BAG1: variants seen among roughly 807,000 people sequenced by gnomAD.
BAG1 encodes the protein BAG family molecular chaperone regulator 1.
In BAG1, 35 loss-of-function variants were observed where a neutral mutation model predicts 35.5. The observed-to-expected ratio is 0.99, with a 90% CI of 0.75 to 1.31. The LOEUF (loss-of-function observed/expected upper bound fraction) is 1.31. Among genes scored for constraint, BAG1 ranks in the 50% most tolerant of loss-of-function variants. The pLI, the probability that BAG1 is intolerant of heterozygous loss-of-function variation, is 0.00. For missense variants in BAG1, 464 were observed against 453.6 expected, an observed-to-expected ratio of 1.02 and a Z score of -0.21; for synonymous variants, 191 against 178.9, an observed-to-expected ratio of 1.07 and a Z score of -0.54.
chr9:33,262,862 GATT>G (rs1820606940), intron 1 of BAG1, 32 bp from the exon 2 acceptor site: 1 of 1,609,570 alleles, frequency 6.2e-7, no homozygotes, highest in African/African-American at 1.3e-5. Flanking sequence ...TGACGAATAT[GATT>G]CTTTCACATA....
In BAG1 at chr9:33,254,282, G is replaced by A. The variant is rs1280973487; in HGVS notation, c.*937C>T. On this transcript the variant is annotated 3_prime_UTR_variant, in exon 7 of 7. Coordinates refer to ENST00000634734, the MANE Select transcript of BAG1 (RefSeq NM_004323.6). ...ATTATAGGCATGAGCTGCTGCGCCA[G>A]GCCTTAATTTTTTAAAAACAATGAT... 1 of 141,618 alleles carries A rather than the reference G, an allele frequency of 7.1e-6. No individual in the cohort carries two copies. The highest frequency in any genetic ancestry group is 1.5e-5 in the Non-Finnish European group (1 of 66,342). 8.8% of individuals were successfully genotyped at this position (141,618 alleles called of 1,614,324 possible).
chr9:33,256,965 T>C, intron 4 of BAG1, 57 bp from the exon 5 acceptor site: 1 of 1,312,370 alleles, frequency 7.6e-7, no homozygotes. Flanking sequence ...GAAGACTCCA[T>C]GCCACAATAC....
In BAG1 at chr9:33,264,495, G is replaced by A. The variant is rs749323018; in HGVS notation, c.180C>T (p.Thr60=). ...TGCGAGCGCCGGCGGCGGCGCCCCT[G>A]GTGGGTCGGTCATGCCCGCTGGCAG... The change falls in exon 1 of 7, where the codon ACC becomes ACT. Residue 60 remains threonine, a synonymous_variant. Coordinates refer to ENST00000634734, the MANE Select transcript of BAG1 (RefSeq NM_004323.6). The A allele has an allele frequency of 1.9e-6, 3 of 1,608,982 alleles. No individual in the cohort carries two copies. The highest frequency in any genetic ancestry group is 2.2e-5 in the East Asian group (1 of 44,816).
In BAG1 at chr9:33,264,311, C is replaced by A. The variant is rs780849402; in HGVS notation, c.364G>T (p.Val122Leu). ...CGGGTCGACTCCTCGTCCCGGGTCA[C>A]CTCCTGGCTCCGATTCATCTCTTCG... Residue 122 changes from valine (V) to leucine (L), a missense_variant, in exon 1 of 7, where the codon GTG (valine) becomes TTG (leucine). Val to Leu is a conservative substitution (Grantham distance 32, BLOSUM62 1). Transcript: ENST00000634734. 2 of 1,613,044 alleles carry A rather than the reference C, an allele frequency of 1.2e-6. No homozygotes were observed. Among genetic ancestry groups the A allele is most frequent in the Non-Finnish European group, 1.7e-6 (2 of 1,179,640 alleles).
chr9:33,262,194 T>TG (rs769682658), intron 2 of BAG1: 31 of 1,289,622 alleles, frequency 2.4e-5, no homozygotes, highest in Non-Finnish European at 3.0e-5. Flanking sequence ...CCTGTCCAGG[T>TG]GTTTGAGAGT....
chr9:33,261,033 T>A lies in BAG1; in HGVS notation c.663+54A>T, dbSNP rs1345850978. The A allele has an allele frequency of 2.8e-5, 41 of 1,480,922 alleles. No homozygotes were observed. In the East Asian group the frequency reaches 8.7e-4, roughly 31 times the overall value. 91.7% of individuals were successfully genotyped at this position (1,480,922 alleles called of 1,614,324 possible). ...TTGGTCTTCTAAACAGAAACATGTA[T>A]AAAAGACTTCAGTCATTTGATTCTG... On this transcript the variant is annotated intron_variant, in intron 3 of 6. Coordinates refer to ENST00000634734, the MANE Select transcript of BAG1 (RefSeq NM_004323.6).
intron 2 of BAG1, 67 bp from the exon 3 acceptor site, chr9:33,261,236 G>C: frequency 8.0e-7 from 1 of 1,245,538 alleles, no homozygotes; most frequent in Non-Finnish European, 1.2e-6. Flanking sequence ...ATTTCAGCAG[G>C]ATACAGGAAA....
rs540292399 is a variant in BAG1, at chr9:33,264,426, G to A, written c.249C>T (p.Ser83=). Residue 83 remains serine, a synonymous_variant, in exon 1 of 7, where the codon AGC becomes AGT. Transcript: ENST00000634734. ...ACTCCTCGCTCCGGGTCAACTCCTC[G>A]CTCCGGGTCGAGCGGCGCCGGGTTT... is the stretch of plus-strand genomic sequence containing the variant. The A allele has an allele frequency of 1.1e-5, 17 of 1,611,034 alleles. No individual in the cohort carries two copies. In the African/African-American group the frequency reaches 1.5e-4, roughly 14 times the overall value.
chr9:33,260,965 G>T (rs924679583), intron 3 of BAG1, 122 bp downstream of exon 3: 1 of 687,576 alleles, frequency 1.5e-6, no homozygotes, highest in Non-Finnish European at 2.4e-6. Flanking sequence ...GATTGTATTT[G>T]TTTAGAGAGG....
At chr9:33,259,905 A>T (rs1820533805) in intron 3 of BAG1, 1 of 152,286 alleles carries the variant, frequency 6.6e-6, no homozygotes, top group Non-Finnish European at 1.5e-5. Flanking sequence ...TCAGGGAAGT[A>T]CTGCTGTTTT....
chr9:33,261,943 T>C, intron 2 of BAG1: 1 of 985,408 alleles, frequency 1.0e-6, no homozygotes, highest in Non-Finnish European at 1.2e-6. Flanking sequence ...TGGGAGGCAC[T>C]GGAAACACAG....
chr9:33,256,704 T>C, intron 5 of BAG1, 97 bp downstream of exon 5: 1 of 998,564 alleles, frequency 1.0e-6, no homozygotes, highest in South Asian at 1.4e-5. Context: ...AAGTGATGGG[T>C]TTGCTCAGGC....
chr9:33,264,534 T>G lies in BAG1; in HGVS notation c.141A>C (p.Pro47=). Residue 47 remains proline, a synonymous_variant, in exon 1 of 7, where the codon CCA becomes CCC. Transcript: ENST00000634734. ...GCCCGCTGGCAGTACTCCGGGCAGG[T>G]GGACGCCCAGAGGGAGGCGGACCAC... is the stretch of plus-strand genomic sequence containing the variant. The G allele has an allele frequency of 6.4e-7, 1 of 1,565,454 alleles. No homozygotes were observed.
rs1214740591 is a variant in BAG1, at chr9:33,264,231, GAC to G, written c.442_443del (p.Val148HisfsTer5). ...CTGGCGCCCGACACTCACTGTGGGT[GAC>G]AGTCACGGTGAGCCCAGCTGCCGCC... On this transcript the variant is annotated frameshift_variant, in exon 1 of 7. Transcript: ENST00000634734. LOFTEE classifies it high-confidence loss of function. 1.2e-6 allele frequency: 2 copies of G among 1,606,312 alleles called. No individual in the cohort carries two copies. The highest frequency in any genetic ancestry group is 2.7e-5 in the African/African-American group (2 of 74,710).
In BAG1 at chr9:33,252,705, C is replaced by T. The variant is rs1820362391; in HGVS notation, c.*2514G>A. 3 of 152,054 alleles carry T rather than the reference C, an allele frequency of 2.0e-5. No individual in the cohort carries two copies. In the South Asian group the frequency reaches 6.2e-4, roughly 32 times the overall value. 9.4% of individuals were successfully genotyped at this position (152,054 alleles called of 1,614,324 possible). A position where few individuals can be genotyped will look rare whatever the true frequency, so the allele number is the denominator to read the frequency against. ...CCAAATAATCCCACAAGTAAACTAT[C>T]ATGGACTATGTAAATGCTGTGAAAG... On this transcript the variant is annotated 3_prime_UTR_variant, in exon 7 of 7. Coordinates refer to ENST00000634734, the MANE Select transcript of BAG1 (RefSeq NM_004323.6).
intron 2 of BAG1, among the ~76,000 whole-genome samples, chr9:33,261,754 A>G (rs1357473416): frequency 6.6e-6 from 1 of 152,156 alleles, no homozygotes; most frequent in East Asian, 1.9e-4. Context: ...CTGACACCCA[A>G]TGGGGTAAGT....
intron 2 of BAG1, chr9:33,262,106 T>C (rs766799285): frequency 3.8e-5 from 49 of 1,288,816 alleles, no homozygotes; most frequent in Non-Finnish European, 4.7e-5. Context: ...TGATCTAACC[T>C]AGCGAGGGAA....
intron 1 of BAG1, 145 bp from the exon 2 acceptor site, chr9:33,262,975 G>T: frequency 1.8e-6 from 2 of 1,130,522 alleles, no homozygotes; most frequent in South Asian, 1.8e-5. Context: ...ATGCCACCCA[G>T]CTTTCCTCTG....
chr9:33,255,957 T>C, intron 5 of BAG1, 30 bp from the exon 6 acceptor site: 1 of 1,559,014 alleles, frequency 6.4e-7, no homozygotes, highest in African/African-American at 1.4e-5. Context: ...TAATACAAGT[T>C]AGTAAATAGT....
Sources: allele counts gnomAD v4.1 joint callset (sites outside exome capture counted in the v4.1 genomes callset), GRCh38; gene constraint gnomAD v4.1.1; transcripts MANE v1.5; gene names NCBI Gene and HGNC (gene_info 2026-07-23, HGNC 2026-07-21).